Variants in ZNF536 observed in about 807,000 individuals in gnomAD.
ZNF536 encodes the protein zinc finger protein 536.
Under a neutral mutation model 84.5 loss-of-function variants are expected in ZNF536, and 13 were observed. The ratio of observed to expected loss-of-function variants is 0.15; its 90% CI spans 0.10 to 0.24. The LOEUF (loss-of-function observed/expected upper bound fraction) is 0.24. Ranked by LOEUF, ZNF536 falls within the 10% of genes least tolerant of loss-of-function variation. The pLI is 1.00. For synonymous variants in ZNF536, 811 were observed against 742.5 expected (o/e 1.09, Z -1.50); for missense variants, 1,536 against 1,747.5 (o/e 0.88, Z 2.16).
At chr19:30,236,161 GA>G (rs2144747510) in intron 1 of ZNF536, among the ~76,000 whole-genome samples, 1 of 152,380 alleles carries the variant, frequency 6.6e-6, no homozygotes, top group South Asian at 2.1e-4. Context: ...CTGCGCAGCC[GA>G]AACCTCCTCT....
At chr19:30,423,872 G>A (rs1050227989) in intron 1 of ZNF536, among the ~76,000 whole-genome samples, 19 of 152,146 alleles carry the variant, frequency 1.2e-4, no homozygotes, top group Admixed American at 9.8e-4. Context: ...TGGATAAGTA[G>A]TAATATGATG....
At chr19:30,644,320 G>A (rs975517971) in intron 1 of ZNF536, among the ~76,000 whole-genome samples, 4 of 151,600 alleles carry the variant, frequency 2.6e-5, no homozygotes, top group Admixed American at 1.3e-4. Context: ...AAGTATGTAC[G>A]TCTCCAGAGT....
chr19:30,291,864 TG>T (rs2145809198), intron 2 of ZNF536, among the ~76,000 whole-genome samples: 1 of 152,330 alleles, frequency 6.6e-6, no homozygotes, highest in Non-Finnish European at 1.5e-5. Context: ...TTTATATGAT[TG>T]AAAAAAATCA....
intron 1 of ZNF536, among the ~76,000 whole-genome samples, chr19:30,632,522 C>G (rs974149802): frequency 6.6e-6 from 1 of 152,146 alleles, no homozygotes; most frequent in Non-Finnish European, 1.5e-5. Context: ...AGGAGAATCG[C>G]TTGAACCTGG....
At chr19:30,602,293 A>C (rs2047716233) in intron 1 of ZNF536, among the ~76,000 whole-genome samples, 1 of 152,198 alleles carries the variant, frequency 6.6e-6, no homozygotes. Flanking sequence ...TTCTTCTTTC[A>C]ACAAGGCTTT....
At chr19:30,307,436 G>T (rs1415702713) in intron 2 of ZNF536, among the ~76,000 whole-genome samples, 1 of 151,882 alleles carries the variant, frequency 6.6e-6, no homozygotes, top group Admixed American at 6.6e-5. Flanking sequence ...TTACATGAGG[G>T]ATGCTTTTAA....
At chr19:30,578,194 G>A (rs2046803911) in intron 1 of ZNF536, among the ~76,000 whole-genome samples, 1 of 152,228 alleles carries the variant, frequency 6.6e-6, no homozygotes, top group Non-Finnish European at 1.5e-5. Flanking sequence ...TTTCTGGAGA[G>A]ATGCTGTAAA....
chr19:30,652,016 T>C (rs1011934007), intron 1 of ZNF536, among the ~76,000 whole-genome samples: 1 of 152,258 alleles, frequency 6.6e-6, no homozygotes, highest in African/African-American at 2.4e-5. Context: ...ATGAATCTTG[T>C]CTGCTGAAAT....
At chr19:30,258,821 G>A (rs1041218761) in intron 1 of ZNF536, among the ~76,000 whole-genome samples, 5 of 151,804 alleles carry the variant, frequency 3.3e-5, no homozygotes, top group African/African-American at 7.3e-5. Context: ...AGGTTCAAGC[G>A]ATTCTCCTGC....
intron 1 of ZNF536, among the ~76,000 whole-genome samples, chr19:30,255,752 G>A (rs1210107363): frequency 2.0e-5 from 3 of 152,214 alleles, no homozygotes; most frequent in Non-Finnish European, 4.4e-5. Flanking sequence ...TGATTTTGGA[G>A]TCAATACAAA....
chr19:30,243,781 C>G (rs1417702554), intron 1 of ZNF536, among the ~76,000 whole-genome samples: 2 of 152,252 alleles, frequency 1.3e-5, no homozygotes, highest in Non-Finnish European at 2.9e-5. Flanking sequence ...AACATCTACT[C>G]TCATTCCAAT....
chr19:30,634,833 A>G (rs2049008871), intron 1 of ZNF536, among the ~76,000 whole-genome samples: 1 of 152,020 alleles, frequency 6.6e-6, no homozygotes, highest in Non-Finnish European at 1.5e-5. Flanking sequence ...AAGCAGAGCC[A>G]GAGCCATGAG....
intron 1 of ZNF536, among the ~76,000 whole-genome samples, chr19:30,582,375 C>CTTTTTTTTTTT (rs35509271): frequency 1.1e-5 from 1 of 89,174 alleles, no homozygotes; most frequent in Non-Finnish European, 2.2e-5. Flanking sequence ...CCTAGTTTCT[C>CTTTTTTTTTTT]TTTTTTTTTT....
At chr19:30,623,310 G>C (rs1016495441) in intron 1 of ZNF536, among the ~76,000 whole-genome samples, 4 of 152,022 alleles carry the variant, frequency 2.6e-5, no homozygotes, top group African/African-American at 9.7e-5. Flanking sequence ...TTCTTCCCTG[G>C]GTACTATTTT....
Position 30,626,217 on chromosome 19 carries a change from C to G in ZNF536, c.169+76703C>G, listed in dbSNP as rs1374901070. ...CACACAAGAATTATGCGTGTCTGAC[C>G]TATGAGGGGATAAATCCCACGTCTC... On this transcript the variant is annotated intron_variant, in intron 1 of 1. Transcript: ENST00000592773. Among the ~76,000 whole-genome samples the G allele has an allele frequency of 3.3e-5, 5 of 152,214 alleles. No homozygotes were observed. The East Asian group carries it at 9.7e-4, about 30-fold the overall frequency.
chr19:30,376,108 C>T (rs141622615), intron 1 of ZNF536, among the ~76,000 whole-genome samples: 256 of 152,176 alleles, frequency 1.7e-3, no homozygotes, highest in Non-Finnish European at 2.7e-3. Flanking sequence ...GCTGCTGTAG[C>T]GCCCTCTCCC....
At chr19:30,261,318 A>G (rs2025207137) in intron 1 of ZNF536, among the ~76,000 whole-genome samples, 1 of 150,306 alleles carries the variant, frequency 6.7e-6, no homozygotes, top group Non-Finnish European at 1.5e-5. Flanking sequence ...AAAAAAAAAA[A>G]AAAAGAAAAA....
intron 2 of ZNF536, among the ~76,000 whole-genome samples, chr19:30,521,000 C>T (rs1387402434): frequency 1.3e-5 from 2 of 152,224 alleles, no homozygotes; most frequent in African/African-American, 4.8e-5. Flanking sequence ...AAAGTGCATG[C>T]AGCTTTGCAA....
At chr19:30,242,217 A>G (rs1013580620) in intron 1 of ZNF536, among the ~76,000 whole-genome samples, 6 of 151,968 alleles carry the variant, frequency 3.9e-5, no homozygotes, top group African/African-American at 1.5e-4. Context: ...TCTACTAGAC[A>G]TTTACTCTGT....
Sources: gnomAD v4.1 joint callset for allele counts (sites outside exome capture counted in the v4.1 genomes callset) on GRCh38, gnomAD v4.1.1 for gene constraint, MANE v1.5 for transcripts, NCBI Gene and HGNC (gene_info 2026-07-23, HGNC 2026-07-21) for gene names.